The following MTSS1 variants were observed in gnomAD, a reference collection of about 807,000 sequenced individuals.
The protein encoded by MTSS1 is MTSS I-BAR domain containing 1.
MTSS1 carries 18 observed loss-of-function variants against 79.0 expected under a neutral mutation model. The observed-to-expected ratio is 0.23, with a 90% confidence interval of 0.16 to 0.34. The LOEUF (loss-of-function observed/expected upper bound fraction) is 0.34. MTSS1 is among the 10% of genes least tolerant of loss of function. The pLI is 1.00. For synonymous variants in MTSS1, 341 were observed against 368.6 expected, an observed-to-expected ratio of 0.93 and a Z score of 0.86; for missense variants, 815 against 986.2, an observed-to-expected ratio of 0.83 and a Z score of 2.33.
At chr8:124,581,874 T>C (rs976493233) in intron 6 of MTSS1, among the ~76,000 whole-genome samples, 4 of 152,238 alleles carry the variant, frequency 2.6e-5, no homozygotes, top group African/African-American at 4.8e-5. Context: ...CTCTCATTTC[T>C]GATGCTCTCT....
intron 5 of MTSS1, among the ~76,000 whole-genome samples, chr8:124,589,406 T>C (rs1270095432): frequency 6.6e-5 from 10 of 152,206 alleles, no homozygotes. Context: ...GAATGTTGTT[T>C]CACACCAAAG....
intron 3 of MTSS1, among the ~76,000 whole-genome samples, chr8:124,661,635 C>G (rs571842213): frequency 6.6e-6 from 1 of 152,140 alleles, no homozygotes; most frequent in South Asian, 2.1e-4. Flanking sequence ...GCCTCCTCAG[C>G]CCAGGTGAGG....
chr8:124,612,254 G>T (rs1397289206), intron 3 of MTSS1, among the ~76,000 whole-genome samples: 1 of 152,190 alleles, frequency 6.6e-6, no homozygotes, highest in Non-Finnish European at 1.5e-5. Flanking sequence ...AAAGAGTGGG[G>T]CAATGGCAGG....
intron 3 of MTSS1, among the ~76,000 whole-genome samples, chr8:124,696,623 C>T (rs1828867713): frequency 6.6e-6 from 1 of 152,092 alleles, no homozygotes; most frequent in Admixed American, 6.5e-5. Context: ...AAGGCCGAGG[C>T]AGGTAGATCA....
At chr8:124,555,643 G>A in intron 13 of MTSS1, 99 bp downstream of exon 13, 1 of 1,333,000 alleles carries the variant, frequency 7.5e-7, no homozygotes, top group Non-Finnish European at 1.0e-6. Flanking sequence ...CTGTTAGTTA[G>A]CGAGTGGTGG....
intron 3 of MTSS1, among the ~76,000 whole-genome samples, chr8:124,690,595 C>A (rs1456794189): frequency 1.3e-5 from 2 of 152,210 alleles, no homozygotes; most frequent in African/African-American, 4.8e-5. Context: ...ATGAACAATT[C>A]TCTCTGGCAA....
At chr8:124,666,957 C>T (rs1283868885) in intron 3 of MTSS1, among the ~76,000 whole-genome samples, 2 of 152,074 alleles carry the variant, frequency 1.3e-5, no homozygotes, top group Admixed American at 6.5e-5. Flanking sequence ...GGAATAAGGA[C>T]AGAAATTAAA....
At chr8:124,672,505 A>G (rs1050061203) in intron 3 of MTSS1, among the ~76,000 whole-genome samples, 3 of 151,434 alleles carry the variant, frequency 2.0e-5, no homozygotes, top group Admixed American at 2.0e-4. Context: ...AAAAAAAAAA[A>G]GAAAAATGGG....
intron 3 of MTSS1, among the ~76,000 whole-genome samples, chr8:124,695,266 G>A (rs12550305): frequency 0.36 from 54,696 of 151,930 alleles, 10,590 homozygotes; most frequent in Non-Finnish European, 0.41. Context: ...TGAAATGCTG[G>A]GCACTTGCCC....
chr8:124,570,592 T>C (rs1827546530), intron 6 of MTSS1, among the ~76,000 whole-genome samples: 1 of 152,178 alleles, frequency 6.6e-6, no homozygotes, highest in South Asian at 2.1e-4. Context: ...ATATGTAAGG[T>C]TCGGGTACTA....
In MTSS1 at chr8:124,699,551, C is replaced by T. The variant is rs1345340445; in HGVS notation, c.183G>A (p.Val61=). Residue 61 remains valine (V), a synonymous_variant, in exon 3 of 14, where the codon GTG becomes GTA. Transcript: ENST00000518547. ...AAAFLDAFQK[V]ADMATNTRGG... ...CACGTGTGTTGGTGGCCATGTCAGC[C>T]ACTTTCTGAAAGGCGTCCAAGAAGG... 1 of 1,614,188 alleles carries T rather than the reference C, an allele frequency of 6.2e-7. No individual in the cohort carries two copies. Among genetic ancestry groups the T allele is most frequent in the East Asian group, 2.2e-5 (1 of 44,878 alleles).
rs192871298 is a variant in MTSS1, at chr8:124,570,408, C to A, written c.461-1872G>T. On this transcript the variant is annotated intron_variant, in intron 6 of 13. Transcript: ENST00000518547. The stretch of plus-strand genomic sequence containing the variant: ...TTTTGCTTTCCAAAGTTTCAGCTAC[C>A]CATGGTGTGGTAAAATACGGTATTT... Among the ~76,000 whole-genome samples the A allele has an allele frequency of 7.2e-5, 11 of 152,220 alleles. No individual in the cohort carries two copies. The East Asian group carries it at 1.9e-3, about 27-fold the overall frequency.
chr8:124,570,353 G>A (rs1827486022), intron 6 of MTSS1, among the ~76,000 whole-genome samples: 1 of 152,142 alleles, frequency 6.6e-6, no homozygotes, highest in Non-Finnish European at 1.5e-5. Flanking sequence ...GCTACCCAAC[G>A]ATTATACTAC....
chr8:124,658,007 T>C (rs1240560921), intron 3 of MTSS1, among the ~76,000 whole-genome samples: 1 of 152,136 alleles, frequency 6.6e-6, no homozygotes, highest in Non-Finnish European at 1.5e-5. Flanking sequence ...GACATGAGAA[T>C]GATGATCTCT....
chr8:124,573,299 AG>A (rs891553540), intron 6 of MTSS1, among the ~76,000 whole-genome samples: 48 of 152,286 alleles, frequency 3.2e-4, no homozygotes, highest in African/African-American at 1.1e-3. Context: ...TTTATCCTAC[AG>A]GTCTCGCTTA....
At chr8:124,638,409 T>C (rs1294079032) in intron 3 of MTSS1, among the ~76,000 whole-genome samples, 2 of 152,180 alleles carry the variant, frequency 1.3e-5, no homozygotes, top group South Asian at 2.1e-4. Flanking sequence ...TGTTGATAAG[T>C]GGCGCTTCAA....
At chr8:124,556,009 T>C in intron 12 of MTSS1, 105 bp from the exon 13 acceptor site, 1 of 1,550,634 alleles carries the variant, frequency 6.4e-7, no homozygotes. Context: ...GCCAGGGGGC[T>C]ATTGACTTGC....
intron 3 of MTSS1, among the ~76,000 whole-genome samples, chr8:124,611,437 C>G (rs995749050): frequency 6.6e-6 from 1 of 152,164 alleles, no homozygotes; most frequent in Non-Finnish European, 1.5e-5. Context: ...AACACACGAC[C>G]TCCAGCTGTC....
chr8:124,728,077 T>C lies in MTSS1; in HGVS notation c.-122A>G. On this transcript the variant is annotated 5_prime_UTR_variant, in exon 1 of 14. Transcript: ENST00000518547. This position sits in a 1 kb window ranked among gnomAD's most constrained non-coding sequence, Gnocchi z 6.1. The stretch of plus-strand genomic sequence containing the variant: ...AGAGACCCACCTCGGACTCGCAGCC[T>C]CTTCTGCAGCGAGGACGGGGTGCAC... The C allele has an allele frequency of 2.7e-6, 2 of 748,574 alleles. No homozygotes were observed. Among genetic ancestry groups the C allele is most frequent in the Non-Finnish European group, 4.3e-6 (2 of 463,052 alleles). The allele number at this position is 748,574 out of a possible 1,614,324, so 46.4% of individuals were successfully genotyped here.
Sources: allele counts gnomAD v4.1 joint callset (sites outside exome capture counted in the v4.1 genomes callset), GRCh38; gene constraint gnomAD v4.1.1; non-coding constraint Gnocchi (gnomAD v3.1); transcripts MANE v1.5; gene names NCBI Gene and HGNC (gene_info 2026-07-23, HGNC 2026-07-21).